The following MKX variants were observed in gnomAD, a reference collection of about 807,000 sequenced individuals.
MKX encodes mohawk homeobox.
A neutral mutation model predicts 36.0 loss-of-function variants in MKX; 13 were observed. That is an observed-to-expected ratio of 0.36 (90% CI 0.24 to 0.57). MKX has a LOEUF of 0.57. MKX is among the 20% of genes least tolerant of loss of function. The probability of loss-of-function intolerance (pLI) is 0.79; values close to 1 mark genes in which losing one functional copy is unlikely to be tolerated. For missense variants in MKX, 458 were observed against 456.4 expected (o/e 1.00, Z -0.03); for synonymous variants, 176 against 178.3 (o/e 0.99, Z 0.10).
chr10:27,705,041 C>A (rs1291232375), intron 5 of MKX, among the ~76,000 whole-genome samples: 3 of 152,082 alleles, frequency 2.0e-5, no homozygotes, highest in African/African-American at 7.2e-5. Context: ...TATGTGCACA[C>A]AGGAAAATGG....
At chr10:27,695,325 CGAA>C (rs1377605605) in intron 5 of MKX, among the ~76,000 whole-genome samples, 2 of 151,842 alleles carry the variant, frequency 1.3e-5, no homozygotes, top group Non-Finnish European at 2.9e-5. Flanking sequence ...ACAACACACA[CGAA>C]GAAGTGAGCC....
At chr10:27,709,062 G>T (rs2132538868) in intron 5 of MKX, among the ~76,000 whole-genome samples, 1 of 152,036 alleles carries the variant, frequency 6.6e-6, no homozygotes, top group South Asian at 2.1e-4. Context: ...CCAGCTACTT[G>T]GGAGGCTGAG....
In MKX at chr10:27,734,671, G is replaced by C. The variant is rs547780445; in HGVS notation, c.623C>G (p.Ala208Gly). 30 of 1,614,060 alleles carry C rather than the reference G, an allele frequency of 1.9e-5. No individual in the cohort carries two copies. The highest frequency in any genetic ancestry group is 2.5e-5 in the Non-Finnish European group (30 of 1,180,020). ...IKAGVRPESR[A>G]SEDYVAPPKY... The stretch of plus-strand genomic sequence containing the variant: ...GGGGGGTGCCACGTAGTCCTCACTG[G>C]CCCGTGACTCTGGCCTCACTCCCGC... The change falls in exon 5 of 7, where the codon GCC (alanine) becomes GGC (glycine). Residue 208 changes from alanine to glycine, a missense_variant. Around this residue, in one of 3 missense-constraint regions of MKX, gnomAD observed 297 missense variants for 304.4 expected, o/e 0.98. Transcript: ENST00000419761.
intron 5 of MKX, among the ~76,000 whole-genome samples, chr10:27,697,261 T>G (rs1836571908): frequency 6.6e-6 from 1 of 152,208 alleles, no homozygotes; most frequent in Non-Finnish European, 1.5e-5. Flanking sequence ...TTACAATGTA[T>G]CTGAAATTAT....
At chr10:27,713,000 C>T (rs1836899750) in intron 5 of MKX, among the ~76,000 whole-genome samples, 1 of 152,154 alleles carries the variant, frequency 6.6e-6, no homozygotes, top group Admixed American at 6.5e-5. Flanking sequence ...CCTTCACTCC[C>T]TCTGAATCTT....
At chr10:27,707,127 G>C (rs1450213171) in intron 5 of MKX, among the ~76,000 whole-genome samples, 3 of 147,834 alleles carry the variant, frequency 2.0e-5, no homozygotes, top group Non-Finnish European at 4.4e-5. Context: ...ATGCTAAACT[G>C]TCAGGTGACA....
At chr10:27,716,680 C>T (rs1302179590) in intron 5 of MKX, among the ~76,000 whole-genome samples, 4 of 152,048 alleles carry the variant, frequency 2.6e-5, no homozygotes, top group Non-Finnish European at 5.9e-5. Flanking sequence ...TAAAGCGGTA[C>T]ATTTTTTTGT....
At chr10:27,677,978 A>G (rs1836184464) in intron 5 of MKX, among the ~76,000 whole-genome samples, 1 of 152,222 alleles carries the variant, frequency 6.6e-6, no homozygotes, top group South Asian at 2.1e-4. Context: ...TGCAATATAA[A>G]GTAACTCATG....
intron 5 of MKX, among the ~76,000 whole-genome samples, chr10:27,710,500 C>G (rs978391878): frequency 1.3e-5 from 2 of 152,136 alleles, no homozygotes; most frequent in African/African-American, 4.8e-5. Flanking sequence ...AAGCCTAAGG[C>G]CCAGAAGGGA....
intron 5 of MKX, among the ~76,000 whole-genome samples, chr10:27,706,545 C>CTGTGTGTGTGTGTG (rs60800576): frequency 6.9e-6 from 1 of 144,988 alleles, no homozygotes; most frequent in East Asian, 2.0e-4. Flanking sequence ...TCGTTAATTC[C>CTGTGTGTGTGTGTG]TGTGTGTGTG....
intron 5 of MKX, among the ~76,000 whole-genome samples, chr10:27,719,994 A>AG (rs60663563): frequency 0.1 from 14,824 of 145,596 alleles, 828 homozygotes; most frequent in East Asian, 0.26. Context: ...AAAAAAAAAA[A>AG]AGAGAGAGAG....
chr10:27,700,587 T>A (rs1340817864), intron 5 of MKX, among the ~76,000 whole-genome samples: 1 of 152,154 alleles, frequency 6.6e-6, no homozygotes, highest in Non-Finnish European at 1.5e-5. Context: ...CTTCATGCTT[T>A]CTTTGCTTGC....
chr10:27,733,103 A>G (rs1834669275), intron 5 of MKX, among the ~76,000 whole-genome samples: 1 of 152,116 alleles, frequency 6.6e-6, no homozygotes, highest in South Asian at 2.1e-4. Flanking sequence ...CCTAGACCCA[A>G]TTATTATTTA....
chr10:27,676,890 A>G (rs1357960324), intron 5 of MKX, among the ~76,000 whole-genome samples: 1 of 152,114 alleles, frequency 6.6e-6, no homozygotes, highest in Non-Finnish European at 1.5e-5. Context: ...CTGCACTCAC[A>G]TCTTTGGTTT....
At chr10:27,713,217 C>A (rs1836903774) in intron 5 of MKX, among the ~76,000 whole-genome samples, 1 of 152,270 alleles carries the variant, frequency 6.6e-6, no homozygotes, top group Non-Finnish European at 1.5e-5. Flanking sequence ...AGTGTCTGAC[C>A]TTCCATAGTG....
chr10:27,686,373 A>AAAGGG (rs144180436), intron 5 of MKX, among the ~76,000 whole-genome samples: 1 of 137,768 alleles, frequency 7.3e-6, no homozygotes, highest in African/African-American at 2.8e-5. Flanking sequence ...AGAAAGAAAG[A>AAAGGG]AAGGGAAGGG....
At chr10:27,686,905 G>A (rs1836365843) in intron 5 of MKX, among the ~76,000 whole-genome samples, 1 of 152,078 alleles carries the variant, frequency 6.6e-6, no homozygotes, top group Non-Finnish European at 1.5e-5. Flanking sequence ...ATACCCAGAT[G>A]TCCTGGATCC....
intron 5 of MKX, among the ~76,000 whole-genome samples, chr10:27,729,979 G>T (rs922654037): frequency 1.3e-5 from 2 of 151,628 alleles, no homozygotes; most frequent in African/African-American, 4.8e-5. Context: ...ACCACCTGGG[G>T]GCTAGAGGCT....
rs1836114420 is a variant in MKX, at chr10:27,674,935, C to A, written c.*294G>T. ...TTGGCATTTTGAGGCATAGCTTGTT[C>A]AACTATGCCCACGTTGGAGCTTATT... is the stretch of plus-strand genomic sequence containing the variant. On this transcript the variant is annotated 3_prime_UTR_variant, in exon 7 of 7. Transcript: ENST00000419761. The A allele has an allele frequency of 7.7e-6, 2 of 259,758 alleles. No individual in the cohort carries two copies. The highest frequency in any genetic ancestry group is 1.3e-4 in the South Asian group (2 of 15,900). The allele number at this position is 259,758 out of a possible 1,614,324, so 16.1% of individuals were successfully genotyped here. A position where few individuals can be genotyped will look rare whatever the true frequency, so the allele number is the denominator to read the frequency against.
Sources: gnomAD v4.1 joint callset for allele counts (sites outside exome capture counted in the v4.1 genomes callset) on GRCh38, gnomAD v4.1.1 for gene constraint, gnomAD v4.1.1 regional missense constraint, MANE v1.5 for transcripts, NCBI Gene and HGNC (gene_info 2026-07-23, HGNC 2026-07-21) for gene names.